Variants in REXO1 observed in about 807,000 individuals in gnomAD.
REXO1 encodes RNA exonuclease 1 homolog.
REXO1 carries 42 observed loss-of-function variants against 102.6 expected under a neutral mutation model. That is an observed-to-expected ratio of 0.41 (90% CI 0.32 to 0.53). The LOEUF (loss-of-function observed/expected upper bound fraction) is 0.53. Among genes scored for constraint, REXO1 ranks in the 20% least tolerant of loss-of-function variants. REXO1 has a pLI of 0.27. For synonymous variants in REXO1, 908 were observed against 779.1 expected (o/e 1.17, Z -2.76); for missense variants, 1,819 against 1,732.5 (o/e 1.05, Z -0.89).
intron 8 of REXO1, 53 bp from the exon 9 acceptor site, chr19:1,818,896 A>G: frequency 6.3e-7 from 1 of 1,595,312 alleles, no homozygotes; most frequent in Non-Finnish European, 8.5e-7. Flanking sequence ...ACGGGGCGGT[A>G]GACACCACCG....
At chr19:1,847,023 CCTATG>C (rs1405718824) in intron 1 of REXO1, among the ~76,000 whole-genome samples, 4 of 152,200 alleles carry the variant, frequency 2.6e-5, no homozygotes, top group African/African-American at 9.6e-5. Flanking sequence ...GACATCACGA[CCTATG>C]CTACGGGATC....
rs1600504925 is a variant in REXO1 at position 1,815,592 on chromosome 19, C to T, written c.*474G>A. ...CGCAGGAGGGAAGGCAGCAGGCCCG[C>T]TCTTCCCGGTGGGAAAGATGCTGTG... On this transcript the variant is annotated 3_prime_UTR_variant, in exon 16 of 16. Coordinates refer to ENST00000170168, the MANE Select transcript of REXO1 (RefSeq NM_020695.4). The surrounding 1 kb of genome is among the most constrained non-coding windows in gnomAD (Gnocchi z 4.0). 1 of 927,344 alleles carries T rather than the reference C, an allele frequency of 1.1e-6. No homozygotes were observed. Among genetic ancestry groups the T allele is most frequent in the Non-Finnish European group, 1.4e-6 (1 of 717,912 alleles). 57.4% of individuals were successfully genotyped at this position (927,344 alleles called of 1,614,324 possible).
At chr19:1,832,186 C>A (rs887592685) in intron 1 of REXO1, among the ~76,000 whole-genome samples, 1 of 152,178 alleles carries the variant, frequency 6.6e-6, no homozygotes, top group African/African-American at 2.4e-5. Context: ...CGCCCTGAGC[C>A]GAGGGATGCA....
At chr19:1,843,232 C>T (rs11665670) in intron 1 of REXO1, among the ~76,000 whole-genome samples, 3 of 150,690 alleles carry the variant, frequency 2.0e-5, no homozygotes, top group Non-Finnish European at 3.0e-5. Context: ...GGGCCCAGAG[C>T]CGCAGCTGGG....
At chr19:1,824,052 T>G in intron 3 of REXO1, 1 of 370,492 alleles carries the variant, frequency 2.7e-6, no homozygotes, top group East Asian at 3.9e-5. Context: ...TGGGCGGGAC[T>G]ACCCCGATTA....
intron 1 of REXO1, among the ~76,000 whole-genome samples, chr19:1,835,764 T>G (rs2070021929): frequency 6.6e-6 from 1 of 152,108 alleles, no homozygotes; most frequent in African/African-American, 2.4e-5. Flanking sequence ...GAGCTGCCCC[T>G]TCCTCCCTGC....
At chr19:1,829,399 C>A (rs1408510664) in intron 1 of REXO1, among the ~76,000 whole-genome samples, 2 of 152,114 alleles carry the variant, frequency 1.3e-5, no homozygotes, top group African/African-American at 4.8e-5. Context: ...CCATCACACC[C>A]AGCTAATTTT....
chr19:1,817,887 A>C, intron 10 of REXO1, 107 bp from the exon 11 acceptor site: 1 of 837,900 alleles, frequency 1.2e-6, no homozygotes, highest in Non-Finnish European at 1.9e-6. Context: ...GTGAGGACTG[A>C]GGACAGGAGG....
At chr19:1,819,308 G>A (rs1444921122) in intron 7 of REXO1, among the ~76,000 whole-genome samples, 177 bp from the exon 8 acceptor site, 2 of 151,834 alleles carry the variant, frequency 1.3e-5, no homozygotes, top group African/African-American at 2.4e-5. Context: ...GCAGACATGC[G>A]GTGAGCCAGG....
chr19:1,828,425 C>T lies in REXO1; in HGVS notation c.364G>A (p.Ala122Thr), dbSNP rs748199513. The T allele has an allele frequency of 1.6e-5, 25 of 1,608,270 alleles. No individual in the cohort carries two copies. Among genetic ancestry groups the T allele is most frequent in the Middle Eastern group, 1.6e-4 (1 of 6,076 alleles). ...CGGGGCGCCAGGGCGGGGGCCTCGG[C>T]GGAGCGGTGCTCACGGGTCGTCTCC... ...LLETTREHRS[A>T]EAPALAPRGP... The change falls in exon 2 of 16, where the codon GCC (alanine) becomes ACC (threonine). Residue 122 changes from alanine to threonine, a missense_variant. By Grantham distance (58) the Ala-to-Thr change is moderately conservative. Transcript: ENST00000170168.
Position 1,828,337 on chromosome 19 carries a change from T to C in REXO1, c.452A>G (p.Tyr151Cys). 2 of 1,610,012 alleles carry C rather than the reference T, an allele frequency of 1.2e-6. No homozygotes were observed. The highest frequency in any genetic ancestry group is 1.7e-6 in the Non-Finnish European group (2 of 1,178,484). The part of the protein sequence containing the change: ...DEDAFPLAFD[Y>C]SPGSHGLLSP... ...TAATAGGCCGTGGCTGCCGGGGCTGTAGTCGAAGGCCAGTGGGAAGGCATC... is the reference window on the plus strand; with the variant it reads ...TAATAGGCCGTGGCTGCCGGGGCTGCAGTCGAAGGCCAGTGGGAAGGCATC... The change falls in exon 2 of 16, where the codon TAC (tyrosine) becomes TGC (cysteine). Residue 151 changes from tyrosine to cysteine, a missense_variant. Coordinates refer to ENST00000170168, the MANE Select transcript of REXO1 (RefSeq NM_020695.4).
chr19:1,839,740 C>T (rs2011206715), intron 1 of REXO1, among the ~76,000 whole-genome samples: 1 of 152,270 alleles, frequency 6.6e-6, no homozygotes. Context: ...TCATCCACTT[C>T]CCCAAAGTCC....
At chr19:1,816,377 G>C (rs747759586) in intron 14 of REXO1, 32 bp from the exon 15 acceptor site, 126 of 1,594,612 alleles carry the variant, frequency 7.9e-5, no homozygotes, top group Non-Finnish European at 1.0e-4. Flanking sequence ...AGCGCACGTG[G>C]GGCCTGCGCA....
chr19:1,847,573 T>A (rs966281281), intron 1 of REXO1, among the ~76,000 whole-genome samples: 1 of 152,198 alleles, frequency 6.6e-6, no homozygotes, highest in Non-Finnish European at 1.5e-5. Flanking sequence ...AAAACCACCA[T>A]GACGCTGTGA....
At chr19:1,818,097 C>G (rs1410462468) in intron 10 of REXO1, among the ~76,000 whole-genome samples, 2 of 152,180 alleles carry the variant, frequency 1.3e-5, no homozygotes, top group African/African-American at 4.8e-5. Flanking sequence ...TGGCCATGTG[C>G]CCTGAGCGTG....
chr19:1,818,944 C>A, intron 8 of REXO1, 74 bp downstream of exon 8: 2 of 1,571,038 alleles, frequency 1.3e-6, no homozygotes, highest in Non-Finnish European at 1.7e-6. Context: ...CACGAAGCAC[C>A]GTGTGGCACA....
chr19:1,819,354 G>A (rs2069466088), intron 7 of REXO1, among the ~76,000 whole-genome samples: 1 of 152,188 alleles, frequency 6.6e-6, no homozygotes, highest in Non-Finnish European at 1.5e-5. Context: ...AGGCCCCAGA[G>A]CTGCACGGAG....
rs371311794 is a variant in REXO1, at chr19:1,827,415, C to T, written c.1374G>A (p.Pro458=). The change falls in exon 2 of 16, where the codon CCG becomes CCA. Residue 458 remains proline (P), a synonymous_variant. Transcript: ENST00000170168. ...GTCGGGAGTCCCCGCTTGTGGGGCTCGGCCGCCGCGCTGGCCGGTCAGGCC... is the reference window on the plus strand; with the variant it reads ...GTCGGGAGTCCCCGCTTGTGGGGCTTGGCCGCCGCGCTGGCCGGTCAGGCC... The part of the protein sequence containing the change: ...KGRPDRPARR[P]SPTSGDSRPA... The T allele has an allele frequency of 1.5e-4, 226 of 1,543,194 alleles. No homozygotes were observed. Among genetic ancestry groups the T allele is most frequent in the African/African-American group, 2.4e-4 (17 of 72,096 alleles).
chr19:1,820,206 A>C (rs1329457102), intron 6 of REXO1, 58 bp downstream of exon 6: 2 of 1,567,990 alleles, frequency 1.3e-6, no homozygotes, highest in Admixed American at 2.0e-5. Context: ...ATGTCTGGGG[A>C]CCACCCTGGA....
Sources: gnomAD v4.1 joint callset for allele counts (sites outside exome capture counted in the v4.1 genomes callset) on GRCh38, gnomAD v4.1.1 for gene constraint, Gnocchi (gnomAD v3.1) non-coding constraint, MANE v1.5 for transcripts, NCBI Gene and HGNC (gene_info 2026-07-23, HGNC 2026-07-21) for gene names.